The following PAM variants were observed in gnomAD, a reference collection of about 807,000 sequenced individuals.
PAM encodes peptidyl-glycine alpha-amidating monooxygenase.
PAM carries 72 observed loss-of-function variants against 122.1 expected under a neutral mutation model. That is an observed-to-expected ratio of 0.59 (90% CI 0.49 to 0.72). The LOEUF is 0.72. PAM is among the 30% of genes least tolerant of loss of function. PAM has a pLI of 0.00. For missense variants in PAM, 1,106 were observed against 1,183.7 expected, an observed-to-expected ratio of 0.93 and a Z score of 0.96; for synonymous variants, 389 against 404.4, an observed-to-expected ratio of 0.96 and a Z score of 0.46.
chr5:102,924,723 T>G (rs1411041418), intron 5 of PAM, among the ~76,000 whole-genome samples: 3 of 151,854 alleles, frequency 2.0e-5, no homozygotes, highest in African/African-American at 7.3e-5. Context: ...CCTCACAGGA[T>G]TGTTTCATAT....
intron 5 of PAM, among the ~76,000 whole-genome samples, chr5:102,918,522 AAGTAAATTTAAATTTACTTAAAT>A (rs767122136): frequency 1.8e-4 from 27 of 152,268 alleles, no homozygotes; most frequent in East Asian, 3.9e-4. Context: ...AATTTAAAGT[AAGTAAATTTAAATTTACTTAAAT>A]AGTAAATTTT....
intron 1 of PAM, among the ~76,000 whole-genome samples, chr5:102,761,320 A>G (rs552108947): frequency 6.6e-6 from 1 of 152,364 alleles, no homozygotes; most frequent in African/African-American, 2.4e-5. Context: ...CCTATCAGAT[A>G]GGAGAAGCTC....
intron 1 of PAM, among the ~76,000 whole-genome samples, chr5:102,840,844 C>T (rs1190011124): frequency 6.6e-6 from 1 of 152,128 alleles, no homozygotes; most frequent in Admixed American, 6.6e-5. Flanking sequence ...CGTATATCTG[C>T]AGTTGAGGCT....
chr5:102,854,757 T>G (rs771075725), intron 1 of PAM, among the ~76,000 whole-genome samples: 8 of 152,204 alleles, frequency 5.3e-5, no homozygotes, highest in Non-Finnish European at 1.0e-4. Flanking sequence ...AACAGTTTAA[T>G]AGCAATGAAA....
intron 1 of PAM, among the ~76,000 whole-genome samples, chr5:102,784,365 C>G (rs903621792): frequency 6.6e-6 from 1 of 152,144 alleles, no homozygotes; most frequent in Non-Finnish European, 1.5e-5. Flanking sequence ...TCAGTTTCCC[C>G]CCTTGCACCC....
intron 11 of PAM, among the ~76,000 whole-genome samples, chr5:102,950,416 G>GTGT (rs1758418594): frequency 1.4e-5 from 2 of 146,062 alleles, no homozygotes; most frequent in African/African-American, 5.1e-5. Context: ...TATGTGGGTG[G>GTGT]GTGTGTGTGT....
intron 1 of PAM, among the ~76,000 whole-genome samples, chr5:102,786,186 A>C (rs1238476290): frequency 6.6e-6 from 1 of 152,198 alleles, no homozygotes; most frequent in Non-Finnish European, 1.5e-5. Flanking sequence ...TAAAGGAGGC[A>C]ATTTTGTGTC....
At chr5:103,029,751 C>T (rs1174617316), downstream of PAM, 1 of 152,386 alleles carries the variant, frequency 6.6e-6, no homozygotes, top group Non-Finnish European at 1.5e-5. Context: ...TGCGTATTTG[C>T]AGATTTTACA....
intron 2 of PAM, 60 bp downstream of exon 2, chr5:102,866,344 A>G: frequency 3.5e-6 from 4 of 1,142,214 alleles, no homozygotes; most frequent in Non-Finnish European, 5.3e-6. Context: ...AATCACTTTT[A>G]TGAACCTGAG....
At chr5:102,776,918 T>G (rs2149812634) in intron 1 of PAM, among the ~76,000 whole-genome samples, 1 of 152,222 alleles carries the variant, frequency 6.6e-6, no homozygotes, top group South Asian at 2.1e-4. Flanking sequence ...GGGTTTTGTT[T>G]TTAAATTTTG....
At chr5:102,860,477 G>A (rs1783870486) in intron 1 of PAM, among the ~76,000 whole-genome samples, 3 of 152,166 alleles carry the variant, frequency 2.0e-5, no homozygotes, top group Non-Finnish European at 4.4e-5. Context: ...GTGTCCAGGA[G>A]TTTGAGACCA....
At chr5:102,833,163 A>T (rs1775932333) in intron 1 of PAM, among the ~76,000 whole-genome samples, 1 of 152,154 alleles carries the variant, frequency 6.6e-6, no homozygotes, top group Non-Finnish European at 1.5e-5. Context: ...TGAGGACCCT[A>T]AGGGCAAATT....
At chr5:102,982,697 C>A (rs563414736) in intron 15 of PAM, among the ~76,000 whole-genome samples, 4 of 152,320 alleles carry the variant, frequency 2.6e-5, no homozygotes, top group African/African-American at 9.6e-5. Context: ...ATTCAACCAA[C>A]ACTATAGTTC....
chr5:103,016,854 T>A (rs1013540469), intron 21 of PAM, among the ~76,000 whole-genome samples: 1 of 152,300 alleles, frequency 6.6e-6, no homozygotes, highest in Non-Finnish European at 1.5e-5. Context: ...TTATCAATAA[T>A]ATACAAATAG....
intron 1 of PAM, among the ~76,000 whole-genome samples, chr5:102,804,365 C>T (rs114828490): frequency 6.0e-4 from 91 of 152,052 alleles, no homozygotes; most frequent in African/African-American, 2.0e-3. Context: ...GAAGCCAGAA[C>T]ATTATAAGAT....
At chr5:102,977,649 T>C (rs1207466233) in intron 15 of PAM, among the ~76,000 whole-genome samples, 3 of 135,590 alleles carry the variant, frequency 2.2e-5, no homozygotes, top group Admixed American at 1.5e-4. Context: ...AACACACACA[T>C]GCATGTGCGC....
At chr5:102,856,540 C>T (rs1048216877) in intron 1 of PAM, among the ~76,000 whole-genome samples, 1 of 152,064 alleles carries the variant, frequency 6.6e-6, no homozygotes, top group Non-Finnish European at 1.5e-5. Context: ...GAATTTGATA[C>T]ATGTGTTAGG....
chr5:102,814,655 T>G lies in PAM; in HGVS notation c.-373-51168T>G, dbSNP rs768017473. 8.5e-4 allele frequency among the ~76,000 whole-genome samples: 128 copies of G among 149,828 alleles called. 1 individual carries two copies. The highest frequency in any genetic ancestry group is 2.2e-4 in the Non-Finnish European group (15 of 67,322). On this transcript the variant is annotated intron_variant, in intron 1 of 25. Coordinates refer to ENST00000438793, the MANE Select transcript of PAM (RefSeq NM_001177306.2). ...AACTTTCTTATTACTTAAAAGCTAT[T>G]ATTGTTTTATTTTCATGGTAATTTT... is the stretch of plus-strand genomic sequence containing the variant.
intron 23 of PAM, among the ~76,000 whole-genome samples, chr5:103,023,486 A>G (rs912871313): frequency 1.3e-5 from 2 of 151,224 alleles, no homozygotes; most frequent in Non-Finnish European, 1.5e-5. Context: ...GCAATTTTGT[A>G]TATCTTTCCT....
Sources: allele counts gnomAD v4.1 joint callset (sites outside exome capture counted in the v4.1 genomes callset), GRCh38; gene constraint gnomAD v4.1.1; transcripts MANE v1.5; gene names NCBI Gene and HGNC (gene_info 2026-07-23, HGNC 2026-07-21).